GALNT18: variants seen among roughly 807,000 people sequenced by gnomAD.
GALNT18 encodes the protein polypeptide N-acetylgalactosaminyltransferase 18.
A neutral mutation model predicts 69.5 loss-of-function variants in GALNT18; 44 were observed. The ratio of observed to expected loss-of-function variants is 0.63; its 90% CI spans 0.50 to 0.81. The LOEUF (loss-of-function observed/expected upper bound fraction) is 0.81, where lower values mean the gene tolerates loss of function less well. Ranked by LOEUF, GALNT18 falls within the 40% of genes least tolerant of loss-of-function variation. The probability of loss-of-function intolerance (pLI) is 0.00; values close to 1 mark genes in which losing one functional copy is unlikely to be tolerated. For synonymous variants in GALNT18, 364 were observed against 318.2 expected (o/e 1.14, Z -1.53); for missense variants, 715 against 810.0 (o/e 0.88, Z 1.42).
chr11:11,565,489 G>A (rs1257039028), intron 1 of GALNT18, among the ~76,000 whole-genome samples: 2 of 152,166 alleles, frequency 1.3e-5, no homozygotes, highest in Admixed American at 6.5e-5. Context: ...AAGCATGAGG[G>A]TAAGTGCCCC....
chr11:11,366,717 G>A lies in GALNT18; in HGVS notation c.1092+5798C>T, dbSNP rs566181025. 7.2e-5 allele frequency among the ~76,000 whole-genome samples: 11 copies of A among 152,306 alleles called. 1 individual carries two copies. In the South Asian group the frequency reaches 2.3e-3, roughly 32 times the overall value. On this transcript the variant is annotated intron_variant, in intron 6 of 10. Coordinates refer to ENST00000227756, the MANE Select transcript of GALNT18 (RefSeq NM_198516.3). ...GCAGCAGACAAAGCCAGTGTAGGGG[G>A]TAAGGGGATTTTTGATATCTAGTGA...
chr11:11,612,403 G>A (rs978897874), intron 1 of GALNT18, among the ~76,000 whole-genome samples: 1 of 152,032 alleles, frequency 6.6e-6, no homozygotes, highest in Admixed American at 6.6e-5. Flanking sequence ...ATAAATCAAG[G>A]GTTTAGCTAG....
rs1054439292 is a variant in GALNT18, at chr11:11,620,560, A to T, written c.235+799T>A. Among the ~76,000 whole-genome samples the T allele has an allele frequency of 6.6e-6, 1 of 152,106 alleles. No individual in the cohort carries two copies. Among genetic ancestry groups the T allele is most frequent in the Admixed American group, 6.5e-5 (1 of 15,284 alleles). The stretch of plus-strand genomic sequence containing the variant: ...GGCTGCTCCCAGGGCCTGAGAGTGG[A>T]GCTACAGTAGGGATCGGCCTTCACC... On this transcript the variant is annotated intron_variant, in intron 1 of 10. Transcript: ENST00000227756. The surrounding 1 kb of genome is among the most constrained non-coding windows in gnomAD (Gnocchi z 6.9).
At chr11:11,449,066 G>C in intron 1 of GALNT18, 130 bp from the exon 2 acceptor site, 1 of 753,408 alleles carries the variant, frequency 1.3e-6, no homozygotes, top group Non-Finnish European at 2.0e-6. Context: ...GGTCAGTGCT[G>C]ACTTGGGTTT....
chr11:11,571,783 A>T (rs1285908696), intron 1 of GALNT18, among the ~76,000 whole-genome samples: 1 of 152,210 alleles, frequency 6.6e-6, no homozygotes, highest in Non-Finnish European at 1.5e-5. Flanking sequence ...GGAAAAAAAA[A>T]TTGGTGTGTG....
intron 1 of GALNT18, among the ~76,000 whole-genome samples, chr11:11,499,487 A>C (rs1313891137): frequency 6.6e-6 from 1 of 151,568 alleles, no homozygotes; most frequent in South Asian, 2.1e-4. Flanking sequence ...ATGTAGCTGC[A>C]TCAGCATTTG....
At chr11:11,380,236 A>C (rs961240919) in intron 3 of GALNT18, among the ~76,000 whole-genome samples, 2 of 152,176 alleles carry the variant, frequency 1.3e-5, no homozygotes, top group Admixed American at 6.5e-5. Context: ...TCATGAGTCC[A>C]ATGGGACCTA....
Position 11,480,724 on chromosome 11 carries a change from C to T in GALNT18, c.236-31788G>A, listed in dbSNP as rs1436079586. On this transcript the variant is annotated intron_variant, in intron 1 of 10. Transcript: ENST00000227756. The surrounding 1 kb of genome is among the most constrained non-coding windows in gnomAD (Gnocchi z 4.6). The stretch of plus-strand genomic sequence containing the variant: ...CTTCCCTGACTCTCCAGATGAGTCC[C>T]TTCATCCCTGTATCAGCACTTCTCA... Among the ~76,000 whole-genome samples the T allele has an allele frequency of 6.6e-6, 1 of 152,212 alleles. No individual in the cohort carries two copies. The highest frequency in any genetic ancestry group is 6.5e-5 in the Admixed American group (1 of 15,276).
intron 1 of GALNT18, among the ~76,000 whole-genome samples, chr11:11,457,738 G>T (rs1028713901): frequency 1.3e-5 from 2 of 152,154 alleles, no homozygotes; most frequent in African/African-American, 4.8e-5. Flanking sequence ...AACCACTGGA[G>T]CCTTCTTGTT....
At chr11:11,529,160 G>T (rs1309153590) in intron 1 of GALNT18, among the ~76,000 whole-genome samples, 1 of 152,244 alleles carries the variant, frequency 6.6e-6, no homozygotes, top group Non-Finnish European at 1.5e-5. Flanking sequence ...GAGGTCACCA[G>T]GTACCAGATG....
At chr11:11,615,892 A>C (rs1860031426) in intron 1 of GALNT18, among the ~76,000 whole-genome samples, 1 of 152,222 alleles carries the variant, frequency 6.6e-6, no homozygotes. Context: ...ATCTATGTAA[A>C]ATTAAAATTA....
At chr11:11,576,146 A>AGG (rs1858918894) in intron 1 of GALNT18, among the ~76,000 whole-genome samples, 1 of 152,170 alleles carries the variant, frequency 6.6e-6, no homozygotes, top group African/African-American at 2.4e-5. Flanking sequence ...TGAAATCCCT[A>AGG]GGGCATAAGG....
intron 1 of GALNT18, among the ~76,000 whole-genome samples, chr11:11,515,259 T>C (rs1425274119): frequency 1.3e-5 from 2 of 150,674 alleles, no homozygotes; most frequent in Non-Finnish European, 2.9e-5. Context: ...ATGTGGGCTA[T>C]TAGTATGAGT....
chr11:11,480,776 C>T lies in GALNT18; in HGVS notation c.236-31840G>A, dbSNP rs915550134. ...AGCGTGCTCTACAGAACCCTAGTTC[C>T]GTGCAGAGTTATTAAGTGCTATGTG... On this transcript the variant is annotated intron_variant, in intron 1 of 10. Coordinates refer to ENST00000227756, the MANE Select transcript of GALNT18 (RefSeq NM_198516.3). The surrounding 1 kb of genome is among the most constrained non-coding windows in gnomAD (Gnocchi z 4.6). 2.6e-5 allele frequency among the ~76,000 whole-genome samples: 4 copies of T among 152,168 alleles called. No homozygotes were observed. The highest frequency in any genetic ancestry group is 4.8e-5 in the African/African-American group (2 of 41,432).
intron 6 of GALNT18, among the ~76,000 whole-genome samples, chr11:11,354,172 T>C (rs1850478316): frequency 6.6e-6 from 1 of 152,240 alleles, no homozygotes; most frequent in Admixed American, 6.5e-5. Context: ...GCATCATCAC[T>C]GGTGTCATCT....
At position 11,486,330 on chromosome 11, in the gene GALNT18, A is replaced by G. The variant is rs191237235; in HGVS notation, c.236-37394T>C. On this transcript the variant is annotated intron_variant, in intron 1 of 10. Coordinates refer to ENST00000227756, the MANE Select transcript of GALNT18 (RefSeq NM_198516.3). ...GCTGCATCAGGACTATCCCCATCTT[A>G]GGAAATAAAACAAAAGGAATATTGG... Among the ~76,000 whole-genome samples, 411 of 152,232 alleles carry G rather than the reference A, an allele frequency of 2.7e-3. 1 individual carries two copies. The highest frequency in any genetic ancestry group is 4.2e-3 in the Non-Finnish European group (283 of 68,022).
chr11:11,443,677 G>A (rs556965082), intron 2 of GALNT18, among the ~76,000 whole-genome samples: 3 of 152,302 alleles, frequency 2.0e-5, no homozygotes, highest in East Asian at 1.9e-4. Context: ...TCAACCCTGA[G>A]ACTAGGTATC....
intron 3 of GALNT18, among the ~76,000 whole-genome samples, chr11:11,422,211 T>C (rs1855026373): frequency 6.6e-6 from 1 of 152,082 alleles, no homozygotes; most frequent in Non-Finnish European, 1.5e-5. Flanking sequence ...CAGTAAGAGC[T>C]TGGGAAAGTG....
chr11:11,357,624 T>A (rs1020040845), intron 6 of GALNT18, among the ~76,000 whole-genome samples: 4 of 152,230 alleles, frequency 2.6e-5, no homozygotes, highest in Non-Finnish European at 5.9e-5. Context: ...TGGACAGAAC[T>A]GTGTTTAAAT....
Sources: gnomAD v4.1 joint callset for allele counts (sites outside exome capture counted in the v4.1 genomes callset) on GRCh38, gnomAD v4.1.1 for gene constraint, Gnocchi (gnomAD v3.1) non-coding constraint, MANE v1.5 for transcripts, NCBI Gene and HGNC (gene_info 2026-07-23, HGNC 2026-07-21) for gene names.